TRIO: variants seen among roughly 807,000 people sequenced by gnomAD.
TRIO encodes the protein trio Rho guanine nucleotide exchange factor.
In TRIO, 58 loss-of-function variants were observed where a neutral mutation model predicts 351.9. The observed-to-expected ratio is 0.16, with a 90% CI of 0.13 to 0.21. The LOEUF (loss-of-function observed/expected upper bound fraction) is 0.21. Ranked by LOEUF, TRIO falls within the 10% of genes least tolerant of loss-of-function variation. The probability of loss-of-function intolerance (pLI) is 1.00; values close to 1 mark genes in which losing one functional copy is unlikely to be tolerated. For synonymous variants in TRIO, 1,758 were observed against 1,595.7 expected, an observed-to-expected ratio of 1.10 and a Z score of -2.42; for missense variants, 3,201 against 4,027.8, an observed-to-expected ratio of 0.79 and a Z score of 5.56.
intron 8 of TRIO, among the ~76,000 whole-genome samples, chr5:14,310,269 A>C (rs1218459104): frequency 1.3e-5 from 2 of 152,252 alleles, no homozygotes; most frequent in Admixed American, 1.3e-4. Flanking sequence ...TTGCCTCACA[A>C]GCCTCAATGC....
intron 48 of TRIO, among the ~76,000 whole-genome samples, chr5:14,491,649 G>A (rs1756495385): frequency 6.6e-6 from 1 of 152,202 alleles, no homozygotes; most frequent in Non-Finnish European, 1.5e-5. Flanking sequence ...AGGGCCTTAA[G>A]AAATCTCTGT....
chr5:14,279,540 AC>A (rs1221499509), intron 2 of TRIO, among the ~76,000 whole-genome samples: 2 of 152,198 alleles, frequency 1.3e-5, no homozygotes, highest in Admixed American at 6.5e-5. Context: ...TATTTTCCTG[AC>A]AACCCCGATG....
At chr5:14,199,911 G>A (rs142127896) in intron 1 of TRIO, among the ~76,000 whole-genome samples, 1 of 152,318 alleles carries the variant, frequency 6.6e-6, no homozygotes, top group East Asian at 1.9e-4. Context: ...AGAATGAGCC[G>A]AGACAGACTT....
At position 14,507,903 on chromosome 5, in the gene TRIO, G is replaced by A. The variant is rs776107170; in HGVS notation, c.8775G>A (p.Glu2925=). Residue 2925 remains glutamate, a synonymous_variant, in exon 57 of 57, where the codon GAG becomes GAA. Transcript: ENST00000344204. The part of the protein sequence containing the change: ...DLKPENILVD[E]SLAKPTIKLA... ...AGCCTGAGAATATCCTGGTGGATGA[G>A]AGTTTAGCCAAGCCAACCATCAAAC... 3.1e-6 allele frequency: 5 copies of A among 1,613,962 alleles called. No homozygotes were observed. The East Asian group carries it at 1.1e-4, about 36-fold the overall frequency.
chr5:14,255,978 T>C (rs1410867886), intron 1 of TRIO, among the ~76,000 whole-genome samples: 1 of 152,222 alleles, frequency 6.6e-6, no homozygotes, highest in Non-Finnish European at 1.5e-5. Flanking sequence ...ATGGCAAAAC[T>C]GTAAAGAAAA....
chr5:14,186,411 G>A (rs1790113849), intron 1 of TRIO, among the ~76,000 whole-genome samples: 1 of 152,138 alleles, frequency 6.6e-6, no homozygotes, highest in South Asian at 2.1e-4. Flanking sequence ...GGACTCATTG[G>A]AAATGGAAGT....
At chr5:14,490,507 C>CA (rs1466930294) in intron 48 of TRIO, among the ~76,000 whole-genome samples, 1 of 152,366 alleles carries the variant, frequency 6.6e-6, no homozygotes, top group Non-Finnish European at 1.5e-5. Context: ...CCAGTCCTTC[C>CA]TGCAGCTCAG....
chr5:14,241,375 A>G (rs2152235356), intron 1 of TRIO, among the ~76,000 whole-genome samples: 1 of 152,330 alleles, frequency 6.6e-6, no homozygotes, highest in East Asian at 1.9e-4. Context: ...AGCTTCTGTA[A>G]TCTGTTAGTA....
At chr5:14,190,589 GT>G (rs1358852202) in intron 1 of TRIO, among the ~76,000 whole-genome samples, 1 of 152,106 alleles carries the variant, frequency 6.6e-6, no homozygotes, top group Non-Finnish European at 1.5e-5. Flanking sequence ...TTCCTGCCCT[GT>G]TTAAATGATT....
At chr5:14,305,697 C>T (rs1738301258) in intron 8 of TRIO, among the ~76,000 whole-genome samples, 1 of 152,164 alleles carries the variant, frequency 6.6e-6, no homozygotes, top group South Asian at 2.1e-4. Flanking sequence ...TGCTTCACTG[C>T]CCAGCTGTCA....
chr5:14,195,926 T>C (rs1421586285), intron 1 of TRIO, among the ~76,000 whole-genome samples: 1 of 152,224 alleles, frequency 6.6e-6, no homozygotes, highest in Non-Finnish European at 1.5e-5. Flanking sequence ...TGGATTGTTT[T>C]ACTAGATTTT....
At chr5:14,483,721 A>G (rs570380051) in intron 46 of TRIO, among the ~76,000 whole-genome samples, 50 of 152,242 alleles carry the variant, frequency 3.3e-4, no homozygotes, top group African/African-American at 1.2e-3. Flanking sequence ...CCGCCTCTGC[A>G]TGAGGCTGGG....
rs780823836 is a variant in TRIO, at chr5:14,399,082, C to T, written c.4614+12C>T. 8.7e-6 allele frequency: 14 copies of T among 1,610,490 alleles called. No homozygotes were observed. Among genetic ancestry groups the T allele is most frequent in the Middle Eastern group, 1.6e-4 (1 of 6,074 alleles). On this transcript the variant is annotated intron_variant, in intron 30 of 56. Coordinates refer to ENST00000344204, the MANE Select transcript of TRIO (RefSeq NM_007118.4). The stretch of plus-strand genomic sequence containing the variant: ...AAAGCAAATTGTTTGTAAGTATAGG[C>T]GTTCAGAATTGTAAGTCTAAAGGTA...
At chr5:14,357,746 A>G (rs1743755837) in intron 11 of TRIO, among the ~76,000 whole-genome samples, 1 of 152,116 alleles carries the variant, frequency 6.6e-6, no homozygotes, top group Non-Finnish European at 1.5e-5. Flanking sequence ...CGGTGGTTTA[A>G]TAATGAAAAA....
intron 34 of TRIO, among the ~76,000 whole-genome samples, chr5:14,458,478 C>T (rs1753533025): frequency 6.6e-6 from 1 of 152,222 alleles, no homozygotes; most frequent in South Asian, 2.1e-4. Context: ...CCTCCTGTTG[C>T]CCCTTCTCAA....
chr5:14,396,725 C>T (rs1217506136), intron 28 of TRIO, among the ~76,000 whole-genome samples: 5 of 151,846 alleles, frequency 3.3e-5, no homozygotes, highest in South Asian at 2.1e-4. Context: ...CCACCTCAGC[C>T]TCCCGAAGTG....
Position 14,481,777 on chromosome 5 carries a change from T to A in TRIO, c.6465+159T>A. 1.0e-5 allele frequency: 6 copies of A among 575,934 alleles called. No homozygotes were observed. In the East Asian group the frequency reaches 1.9e-4, roughly 18 times the overall value. The allele number at this position is 575,934 out of a possible 1,614,324, so 35.7% of individuals were successfully genotyped here. The stretch of plus-strand genomic sequence containing the variant: ...CTGATTGATATTTTATTTCCTTTTT[T>A]TTTTTTTTTTTTTTTTTGGTGCGTT... On this transcript the variant is annotated intron_variant, in intron 45 of 56. Transcript: ENST00000344204.
chr5:14,238,261 C>G lies in TRIO; in HGVS notation c.158-32564C>G, dbSNP rs1231817309. On this transcript the variant is annotated intron_variant, in intron 1 of 56. Transcript: ENST00000344204. ...ACTACTGCATGCTGGGAGGGACTTC[C>G]TGCAGCTAAGTGAAGAGAAGCATTC... 2.0e-5 allele frequency among the ~76,000 whole-genome samples: 3 copies of G among 152,188 alleles called. No individual in the cohort carries two copies. The East Asian group carries it at 5.8e-4, about 29-fold the overall frequency.
intron 33 of TRIO, 138 bp from the exon 34 acceptor site, chr5:14,419,640 G>A (rs1317124058): frequency 3.5e-6 from 4 of 1,150,492 alleles, no homozygotes; most frequent in East Asian, 2.5e-5. Context: ...GGAGAGTGCA[G>A]TGATCACACA....
Sources: allele counts gnomAD v4.1 joint callset (sites outside exome capture counted in the v4.1 genomes callset), GRCh38; gene constraint gnomAD v4.1.1; transcripts MANE v1.5; gene names NCBI Gene and HGNC (gene_info 2026-07-23, HGNC 2026-07-21).